Variants in DCBLD2 observed in about 807,000 individuals in gnomAD.
The protein encoded by DCBLD2 is discoidin, CUB and LCCL domain containing 2.
In DCBLD2, 54 loss-of-function variants were observed where a neutral mutation model predicts 86.8. That is an observed-to-expected ratio of 0.62 (90% confidence interval 0.50 to 0.78). The LOEUF is 0.78. DCBLD2 is among the 30% of genes least tolerant of loss of function. DCBLD2 has a pLI of 0.00. For missense variants in DCBLD2, 908 were observed against 954.2 expected (o/e 0.95, Z 0.64); for synonymous variants, 354 against 341.3 (o/e 1.04, Z -0.41).
intron 3 of DCBLD2, among the ~76,000 whole-genome samples, chr3:98,830,727 T>C (rs1001662925): frequency 6.6e-6 from 1 of 152,212 alleles, no homozygotes; most frequent in Non-Finnish European, 1.5e-5. Flanking sequence ...TGGGCTCCTT[T>C]TTGTTTCCAT....
rs112348150 is a variant in DCBLD2 at position 98,820,626 on chromosome 3, C to A, written c.831-338G>T. ...CTGTCAATCTCTCACTACTTTATTT[C>A]ATGAAATAAATGGATTCTTAACACT... is the stretch of plus-strand genomic sequence containing the variant. On this transcript the variant is annotated intron_variant, in intron 6 of 15. Transcript: ENST00000326840. Among the ~76,000 whole-genome samples the A allele has an allele frequency of 6.1e-3, 930 of 152,190 alleles. 8 individuals carry two copies. Among genetic ancestry groups the A allele is most frequent in the African/African-American group, 0.021 (875 of 41,508 alleles).
At chr3:98,820,385 A>T in intron 6 of DCBLD2, 97 bp from the exon 7 acceptor site, 1 of 908,116 alleles carries the variant, frequency 1.1e-6, no homozygotes, top group Admixed American at 3.4e-5. Flanking sequence ...CCCCCCACCC[A>T]ATAAAAGAAC....
chr3:98,800,501 G>A (rs1008308012), intron 15 of DCBLD2, 78 bp downstream of exon 15: 12 of 1,445,708 alleles, frequency 8.3e-6, no homozygotes, highest in Non-Finnish European at 1.0e-5. Context: ...TCAAAGAACT[G>A]TAAATCCCAA....
intron 2 of DCBLD2, among the ~76,000 whole-genome samples, chr3:98,855,877 A>G (rs565870729): frequency 6.6e-6 from 1 of 152,364 alleles, no homozygotes; most frequent in East Asian, 1.9e-4. Context: ...CTCTGTAAAG[A>G]GAGCTTCACA....
At chr3:98,852,106 G>A (rs937772281) in intron 2 of DCBLD2, among the ~76,000 whole-genome samples, 1 of 152,158 alleles carries the variant, frequency 6.6e-6, no homozygotes, top group African/African-American at 2.4e-5. Context: ...CAAAAAGGCT[G>A]TACCAATTTA....
intron 2 of DCBLD2, among the ~76,000 whole-genome samples, chr3:98,870,756 A>T (rs1943256703): frequency 7.1e-6 from 1 of 140,258 alleles, no homozygotes; most frequent in African/African-American, 2.8e-5. Flanking sequence ...AAAGAAAGAA[A>T]GAAAGAAAGA....
intron 2 of DCBLD2, among the ~76,000 whole-genome samples, chr3:98,876,411 G>GAAAAAAAAAAAAA (rs1488329797): frequency 8.5e-4 from 2 of 2,344 alleles, no homozygotes; most frequent in South Asian, 0.014. Flanking sequence ...GAGATAAAAA[G>GAAAAAAAAAAAAA]TAAAAAAAAA....
Position 98,870,737 on chromosome 3 carries a change from A to AG in DCBLD2, c.433+10802_433+10803insC, listed in dbSNP as rs775209838. 8.6e-5 allele frequency among the ~76,000 whole-genome samples: 6 copies of AG among 69,824 alleles called. 1 individual carries two copies. The South Asian group carries it at 2.5e-3, about 29-fold the overall frequency. 45.8% of individuals were successfully genotyped at this position (69,824 alleles called of 152,430 possible). A position where few individuals can be genotyped will look rare whatever the true frequency, so the allele number is the denominator to read the frequency against. ...AAGAAAAAGGAAAAGAAAAGAAAGA[A>AG]AAAGAAAGAAAGAAAGAAAGAAAGA... On this transcript the variant is annotated intron_variant, in intron 2 of 15. Transcript: ENST00000326840.
At chr3:98,879,591 G>C (rs943743361) in intron 2 of DCBLD2, among the ~76,000 whole-genome samples, 1 of 152,116 alleles carries the variant, frequency 6.6e-6, no homozygotes, top group East Asian at 1.9e-4. Context: ...GTTTCACCAT[G>C]TTAGCCAGGA....
chr3:98,867,403 T>C, intron 2 of DCBLD2, among the ~76,000 whole-genome samples: 1 of 152,208 alleles, frequency 6.6e-6, no homozygotes, highest in East Asian at 1.9e-4. Flanking sequence ...TAGTTCTCCT[T>C]GAAGAGGTCC....
intron 1 of DCBLD2, among the ~76,000 whole-genome samples, chr3:98,891,697 T>C (rs116536192): frequency 5.3e-5 from 8 of 152,118 alleles, no homozygotes; most frequent in Non-Finnish European, 7.4e-5. Context: ...ACAACCTCTT[T>C]GTTCCACAGT....
chr3:98,870,932 ATTTG>A (rs1355616689), intron 2 of DCBLD2, among the ~76,000 whole-genome samples: 3 of 151,000 alleles, frequency 2.0e-5, no homozygotes, highest in Admixed American at 6.6e-5. Context: ...GAGGTTTTCT[ATTTG>A]TTTGTATCAT....
chr3:98,865,005 T>C (rs904639426), intron 2 of DCBLD2, among the ~76,000 whole-genome samples: 8 of 152,186 alleles, frequency 5.3e-5, no homozygotes, highest in African/African-American at 7.2e-5. Context: ...TTCTACACTA[T>C]TGGTGGGAAT....
intron 3 of DCBLD2, among the ~76,000 whole-genome samples, chr3:98,845,756 C>T (rs538364773): frequency 6.6e-6 from 1 of 152,298 alleles, no homozygotes; most frequent in Non-Finnish European, 1.5e-5. Context: ...TCTACTTCAG[C>T]TACTCTGCTT....
chr3:98,819,323 T>G lies in DCBLD2; in HGVS notation c.966A>C (p.Gln322His). ...CTTTTTTGGGTTTCCAACTGTTCTC[T>G]TGCCCTGTGTGGTCAGTCCACTCCA... ...SVLEWTDHTGQENSWKPKKAR... is the reference protein window; with the variant it reads ...SVLEWTDHTGHENSWKPKKAR... Residue 322 changes from glutamine to histidine, a missense_variant, in exon 8 of 16, where the codon CAA becomes CAC. Physicochemically the swap from Gln to His is conservative, Grantham distance 24. Coordinates refer to ENST00000326840, the MANE Select transcript of DCBLD2 (RefSeq NM_080927.4). 1.2e-6 allele frequency: 2 copies of G among 1,613,884 alleles called. No individual in the cohort carries two copies. Among genetic ancestry groups the G allele is most frequent in the Non-Finnish European group, 1.7e-6 (2 of 1,179,822 alleles).
rs746265077 is a variant in DCBLD2, at chr3:98,798,179, CA to C, written c.*1192del. 1 of 152,142 alleles carries C rather than the reference CA, an allele frequency of 6.6e-6. No homozygotes were observed. Among genetic ancestry groups the C allele is most frequent in the Non-Finnish European group, 1.5e-5 (1 of 68,016 alleles). The allele number at this position is 152,142 out of a possible 1,614,324, so 9.4% of individuals were successfully genotyped here. ...TCCCTAGGTGACATATAGGACTACT[CA>C]AACCTCTTACCACACAAAGTGCACG... On this transcript the variant is annotated 3_prime_UTR_variant, in exon 16 of 16. Transcript: ENST00000326840.
intron 7 of DCBLD2, 86 bp downstream of exon 7, chr3:98,820,162 C>A: frequency 2.4e-6 from 2 of 825,172 alleles, no homozygotes; most frequent in Admixed American, 4.1e-5. Flanking sequence ...TGAGAAAGTA[C>A]AATAAATCAG....
At position 98,819,476 on chromosome 3, in the gene DCBLD2, C is replaced by A. The variant is rs201873805; in HGVS notation, c.872-59G>T. 2.4e-3 allele frequency: 3,800 copies of A among 1,560,352 alleles called. 5 individuals are homozygous for A. Among genetic ancestry groups the A allele is most frequent in the Non-Finnish European group, 3.1e-3 (3,498 of 1,136,838 alleles). On this transcript the variant is annotated intron_variant, in intron 7 of 15. Transcript: ENST00000326840. Reference sequence around the variant, plus strand: ...GGTATAATTTCAAAATGCATGTAGACCTGCTCACTGAAAACTTTCTATTCC... The same window carrying A: ...GGTATAATTTCAAAATGCATGTAGAACTGCTCACTGAAAACTTTCTATTCC...
At chr3:98,871,658 C>T (rs1048224060) in intron 2 of DCBLD2, among the ~76,000 whole-genome samples, 3 of 152,068 alleles carry the variant, frequency 2.0e-5, no homozygotes, top group African/African-American at 4.8e-5. Flanking sequence ...TGTTGATATA[C>T]TGCTGAATCT....
Sources: allele counts gnomAD v4.1 joint callset (sites outside exome capture counted in the v4.1 genomes callset), GRCh38; gene constraint gnomAD v4.1.1; transcripts MANE v1.5; gene names NCBI Gene and HGNC (gene_info 2026-07-23, HGNC 2026-07-21).